Variants in DET1 observed in about 807,000 individuals in gnomAD.
The protein encoded by DET1 is DET1 partner of COP1 E3 ubiquitin ligase, also known as DET1 homolog.
A neutral mutation model predicts 43.7 loss-of-function variants in DET1; 22 were observed. The ratio of observed to expected loss-of-function variants is 0.50; its 90% CI spans 0.36 to 0.72. The LOEUF (loss-of-function observed/expected upper bound fraction) is 0.72, where lower values mean the gene tolerates loss of function less well. Ranked by LOEUF, DET1 falls within the 30% of genes least tolerant of loss-of-function variation. DET1 has a pLI of 0.00. For synonymous variants in DET1, 315 were observed against 266.2 expected (o/e 1.18, Z -1.79); for missense variants, 713 against 713.3 (o/e 1.00, Z 0.00).
At chr15:88,509,687 T>C (rs1369135009), downstream of DET1, among the ~76,000 whole-genome samples, 2 of 152,210 alleles carry the variant, frequency 1.3e-5, no homozygotes, top group African/African-American at 4.8e-5. Flanking sequence ...CAAAGGCTAG[T>C]GGTCCACCAA....
intron 1 of DET1, among the ~76,000 whole-genome samples, chr15:88,538,702 C>A (rs1344475744): frequency 6.6e-6 from 1 of 152,124 alleles, no homozygotes; most frequent in Non-Finnish European, 1.5e-5. Flanking sequence ...GCTCCGGGCT[C>A]CCCCGGAAGG....
intron 1 of DET1, among the ~76,000 whole-genome samples, chr15:88,538,953 G>C (rs1255434548): frequency 4.6e-5 from 7 of 152,100 alleles, no homozygotes; most frequent in East Asian, 1.9e-4. Flanking sequence ...ACTCTAGGAC[G>C]CTACTGGGTT....
chr15:88,526,249 A>T (rs2056659892), intron 3 of DET1, among the ~76,000 whole-genome samples: 1 of 152,216 alleles, frequency 6.6e-6, no homozygotes, highest in Non-Finnish European at 1.5e-5. Context: ...CAGTGGCAGT[A>T]ATGCTTATTC....
rs2056810638 is a variant in DET1 at position 88,531,379 on chromosome 15, A to G, written c.327T>C (p.Asn109=). 1.9e-6 allele frequency: 3 copies of G among 1,614,084 alleles called. No homozygotes were observed. Among genetic ancestry groups the G allele is most frequent in the South Asian group, 1.1e-5 (1 of 91,092 alleles). Residue 109 remains asparagine, a synonymous_variant, in exon 2 of 5, where the codon AAT becomes AAC. Coordinates refer to ENST00000268148, the MANE Select transcript of DET1 (RefSeq NM_001144074.3). The surrounding 1 kb of genome is among the most constrained non-coding windows in gnomAD (Gnocchi z 6.2). ...CCCGGATATTCACTGACCGCTGGTC[A>G]TTGCCATTGGACAGGATTTCTCCTT... is the stretch of plus-strand genomic sequence containing the variant. ...GYEGEILSNG[N]DQRSVNIRGR...
intron 4 of DET1, among the ~76,000 whole-genome samples, chr15:88,513,622 G>GTT (rs34991328): frequency 0.01 from 1,191 of 115,330 alleles, 29 homozygotes; most frequent in African/African-American, 0.035. Context: ...CTATTAGTGA[G>GTT]TTTTTTTTTT....
chr15:88,523,446 C>G lies in DET1; in HGVS notation c.1271+4153G>C, dbSNP rs150498776. On this transcript the variant is annotated intron_variant, in intron 3 of 4. Transcript: ENST00000268148. ...TCTTGTCTCCCCTTTCCACGGTCTC[C>G]CTCTCCCTCTTCTCCCCTTTACACA... 2.3e-4 allele frequency among the ~76,000 whole-genome samples: 35 copies of G among 152,242 alleles called. No homozygotes were observed. The East Asian group carries it at 6.8e-3, about 30-fold the overall frequency.
intron 1 of DET1, chr15:88,532,014 A>C: frequency 3.8e-6 from 1 of 262,180 alleles, no homozygotes; most frequent in South Asian, 7.7e-5. Flanking sequence ...AGTATAAGAC[A>C]CATTCGGCTG....
chr15:88,525,489 T>C (rs142013750), intron 3 of DET1, among the ~76,000 whole-genome samples: 18 of 152,352 alleles, frequency 1.2e-4, no homozygotes, highest in African/African-American at 4.3e-4. Context: ...TTCTAATTCC[T>C]GGATAACTTC....
In DET1 at chr15:88,530,922, C is replaced by T. The variant is rs2056793832; in HGVS notation, c.784G>A (p.Glu262Lys). ...GCTGACACAGTGAGCAGGTCATCCT[C>T]ATAGCAAAAGCGGCCAATGGTCCGC... ...DVRTIGRFCY[E>K]DDLLTVSAVF... The change falls in exon 2 of 5, where the codon GAG (glutamate) becomes AAG (lysine). Residue 262 changes from glutamate to lysine, a missense_variant. By Grantham distance (56) the Glu-to-Lys change is moderately conservative. Transcript: ENST00000268148. 1.2e-6 allele frequency: 2 copies of T among 1,613,906 alleles called. No individual in the cohort carries two copies. Among genetic ancestry groups the T allele is most frequent in the Admixed American group, 1.7e-5 (1 of 60,002 alleles).
Position 88,512,601 on chromosome 15 carries a change from A to C in DET1, c.*350T>G. The stretch of plus-strand genomic sequence containing the variant: ...ACAAGATTTAACTGCTTTCAGATGC[A>C]AACCATAATGCCGAAGAAGTGACAT... On this transcript the variant is annotated 3_prime_UTR_variant, in exon 5 of 5. Transcript: ENST00000268148. The C allele has an allele frequency of 1.9e-6, 2 of 1,029,270 alleles. No individual in the cohort carries two copies. The highest frequency in any genetic ancestry group is 2.3e-6 in the Non-Finnish European group (2 of 858,634). The allele number at this position is 1,029,270 out of a possible 1,614,324, so 63.8% of individuals were successfully genotyped here.
chr15:88,532,606 C>A (rs182940326), intron 1 of DET1, among the ~76,000 whole-genome samples: 15 of 152,288 alleles, frequency 9.8e-5, no homozygotes, highest in African/African-American at 3.1e-4. Context: ...AAGACAGACA[C>A]AGACCAATGA....
At chr15:88,524,017 C>T (rs1231185147) in intron 3 of DET1, among the ~76,000 whole-genome samples, 2 of 151,302 alleles carry the variant, frequency 1.3e-5, no homozygotes, top group African/African-American at 2.4e-5. Context: ...CAGCCGCCAT[C>T]ACATCTAGGA....
chr15:88,545,431 C>T (rs1295408232), intron 1 of DET1, among the ~76,000 whole-genome samples: 1 of 152,116 alleles, frequency 6.6e-6, no homozygotes, highest in Admixed American at 6.5e-5. Flanking sequence ...AAAAGATACC[C>T]TCCAAAAAGT....
At chr15:88,513,245 CT>C in intron 4 of DET1, 105 bp from the exon 5 acceptor site, 1 of 1,226,544 alleles carries the variant, frequency 8.2e-7, no homozygotes, top group Non-Finnish European at 1.1e-6. Flanking sequence ...ATTATTTTAC[CT>C]TATTAATGAA....
intron 1 of DET1, among the ~76,000 whole-genome samples, chr15:88,544,635 C>T (rs544823580): frequency 2.6e-5 from 4 of 152,232 alleles, no homozygotes; most frequent in Admixed American, 2.0e-4. Context: ...GACTTCACAC[C>T]GTCATCCTCA....
chr15:88,538,224 G>T (rs545016859), intron 1 of DET1, among the ~76,000 whole-genome samples: 2 of 151,520 alleles, frequency 1.3e-5, no homozygotes, highest in African/African-American at 4.9e-5. Flanking sequence ...CTCTTTCACT[G>T]GCAGCCCCTT....
intron 1 of DET1, among the ~76,000 whole-genome samples, chr15:88,540,590 CTG>C (rs2057081531): frequency 6.6e-6 from 1 of 151,772 alleles, no homozygotes; most frequent in Non-Finnish European, 1.5e-5. Context: ...GTTACTGTGT[CTG>C]TGTAGAAAGA....
At chr15:88,534,488 A>G (rs1031629008) in intron 1 of DET1, among the ~76,000 whole-genome samples, 3 of 152,278 alleles carry the variant, frequency 2.0e-5, no homozygotes, top group South Asian at 4.1e-4. Flanking sequence ...TAAAGCCCCA[A>G]TTTTGTCATC....
At chr15:88,538,032 C>G (rs375435989) in intron 1 of DET1, among the ~76,000 whole-genome samples, 2 of 152,222 alleles carry the variant, frequency 1.3e-5, no homozygotes, top group African/African-American at 2.4e-5. Flanking sequence ...AGGTCTACCT[C>G]GGTCATGCGG....
Sources: allele counts gnomAD v4.1 joint callset (sites outside exome capture counted in the v4.1 genomes callset), GRCh38; gene constraint gnomAD v4.1.1; non-coding constraint Gnocchi (gnomAD v3.1); transcripts MANE v1.5; gene names NCBI Gene and HGNC (gene_info 2026-07-23, HGNC 2026-07-21).